Variants in SNX24 observed in about 807,000 individuals in gnomAD.
SNX24 encodes the protein sorting nexin 24, also known as sorting nexin-24.
SNX24 carries 22 observed loss-of-function variants against 28.7 expected under a neutral mutation model. The ratio of observed to expected loss-of-function variants is 0.77; its 90% CI spans 0.55 to 1.10. SNX24 has a LOEUF of 1.10. SNX24 is among the 50% of genes least tolerant of loss of function. The pLI is 0.00. For synonymous variants in SNX24, 69 were observed against 71.5 expected (o/e 0.96, Z 0.18); for missense variants, 221 against 201.1 (o/e 1.10, Z -0.60).
At chr5:122,874,542 A>G (rs1472731658) in intron 1 of SNX24, among the ~76,000 whole-genome samples, 2 of 152,220 alleles carry the variant, frequency 1.3e-5, no homozygotes, top group African/African-American at 2.4e-5. Context: ...AAGTAGGAAC[A>G]TTGATGTGTA....
chr5:122,953,674 A>G (rs13179226), intron 3 of SNX24, among the ~76,000 whole-genome samples: 1,730 of 152,342 alleles, frequency 0.011, 31 homozygotes, highest in Non-Finnish European at 0.018. Context: ...AAGGTTTTTC[A>G]TGGAGTTGTG....
intron 1 of SNX24, among the ~76,000 whole-genome samples, chr5:122,893,558 A>C (rs1757073500): frequency 6.6e-6 from 1 of 152,178 alleles, no homozygotes; most frequent in African/African-American, 2.4e-5. Flanking sequence ...GTAAAGTGTG[A>C]GCATATACAC....
chr5:122,992,176 T>C (rs944657053), intron 3 of SNX24, among the ~76,000 whole-genome samples: 12 of 152,188 alleles, frequency 7.9e-5, no homozygotes, highest in Admixed American at 5.9e-4. Flanking sequence ...GTCATTAAAA[T>C]TAGCTCAATG....
chr5:122,849,516 G>C (rs1027846346), intron 1 of SNX24, among the ~76,000 whole-genome samples: 1 of 151,574 alleles, frequency 6.6e-6, no homozygotes, highest in African/African-American at 2.4e-5. Flanking sequence ...TTAGGTTTTT[G>C]CTAGGATTGT....
chr5:122,928,707 A>G (rs1265103874), intron 1 of SNX24, among the ~76,000 whole-genome samples: 1 of 151,858 alleles, frequency 6.6e-6, no homozygotes, highest in Admixed American at 6.6e-5. Flanking sequence ...CCCTGCCAGT[A>G]CCTTGATTTT....
chr5:122,975,205 T>C (rs779575173), intron 3 of SNX24, among the ~76,000 whole-genome samples: 1 of 152,216 alleles, frequency 6.6e-6, no homozygotes, highest in Non-Finnish European at 1.5e-5. Context: ...CACACCAGAT[T>C]ATCAGTCCTG....
chr5:123,021,912 C>T (rs1047342424), intron 5 of SNX24, among the ~76,000 whole-genome samples: 1 of 152,032 alleles, frequency 6.6e-6, no homozygotes, highest in South Asian at 2.1e-4. Flanking sequence ...CTTCTTGCTG[C>T]TTCCTACCCT....
intron 3 of SNX24, among the ~76,000 whole-genome samples, chr5:122,976,720 C>T (rs1471581688): frequency 8.5e-5 from 13 of 152,248 alleles, no homozygotes; most frequent in Non-Finnish European, 2.9e-5. Context: ...GCAAAGATTA[C>T]ACTGCTGAGG....
At chr5:122,916,994 C>T (rs965869354) in intron 1 of SNX24, among the ~76,000 whole-genome samples, 10 of 152,096 alleles carry the variant, frequency 6.6e-5, no homozygotes, top group Non-Finnish European at 1.5e-4. Context: ...CTGGGCTGGG[C>T]GCGGTGGCTC....
At chr5:122,853,115 C>CTTTTT (rs10530519) in intron 1 of SNX24, among the ~76,000 whole-genome samples, 6 of 71,588 alleles carry the variant, frequency 8.4e-5, no homozygotes, top group Admixed American at 2.1e-4. Flanking sequence ...GTTCTTTAGC[C>CTTTTT]TTTTTTTTTT....
chr5:122,951,022 C>G (rs1397743542), intron 3 of SNX24, among the ~76,000 whole-genome samples: 1 of 152,046 alleles, frequency 6.6e-6, no homozygotes. Context: ...AATCCCAGCA[C>G]TTTGGGAGGC....
At chr5:122,928,731 T>G (rs1297986438) in intron 1 of SNX24, among the ~76,000 whole-genome samples, 1 of 151,832 alleles carries the variant, frequency 6.6e-6, no homozygotes, top group Non-Finnish European at 1.5e-5. Flanking sequence ...CCATGAGACT[T>G]GAACAGATAA....
chr5:122,981,922 G>T (rs995264860), intron 3 of SNX24, among the ~76,000 whole-genome samples: 1 of 152,220 alleles, frequency 6.6e-6, no homozygotes, highest in African/African-American at 2.4e-5. Context: ...GACCACCTTG[G>T]AAGGTTATGG....
chr5:122,859,599 C>G (rs919738589), intron 1 of SNX24, among the ~76,000 whole-genome samples: 2 of 152,092 alleles, frequency 1.3e-5, no homozygotes, highest in South Asian at 2.1e-4. Context: ...AAGACACTAT[C>G]TCAAATAATA....
Position 122,952,433 on chromosome 5 carries a change from C to T in SNX24, c.249+6274C>T, listed in dbSNP as rs982717020. Among the ~76,000 whole-genome samples the T allele has an allele frequency of 6.6e-5, 10 of 152,234 alleles. 2 individuals carry two copies. Among genetic ancestry groups the T allele is most frequent in the Non-Finnish European group, 1.5e-5 (1 of 68,008 alleles). ...ATAGTAGGGCCCCCAAGTTAACAAC[C>T]CCCTTCGCACTCACCCCAGGGAAAA... On this transcript the variant is annotated intron_variant, in intron 3 of 6. Transcript: ENST00000261369.
rs185930427 is a variant in SNX24, at chr5:122,964,860, A to G, written c.249+18701A>G. On this transcript the variant is annotated intron_variant, in intron 3 of 6. Coordinates refer to ENST00000261369, the MANE Select transcript of SNX24 (RefSeq NM_014035.4). Reference sequence around the variant, plus strand: ...TTTGGTAATAGGATTCTTTTGTAAAACAATTCTAACAAAGGCTCCATAATA... The same window carrying G: ...TTTGGTAATAGGATTCTTTTGTAAAGCAATTCTAACAAAGGCTCCATAATA... Among the ~76,000 whole-genome samples, 5 of 152,286 alleles carry G rather than the reference A, an allele frequency of 3.3e-5. No homozygotes were observed. The East Asian group carries it at 9.6e-4, about 29-fold the overall frequency.
intron 1 of SNX24, 91 bp downstream of exon 1, chr5:122,845,784 G>GC (rs1754594300): frequency 1.4e-6 from 1 of 703,412 alleles, no homozygotes; most frequent in Non-Finnish European, 2.0e-6. Context: ...CCGCCTTGGC[G>GC]CAGGGGGTCC....
intron 3 of SNX24, among the ~76,000 whole-genome samples, chr5:122,995,338 TTC>T (rs1762015876): frequency 2.0e-5 from 3 of 152,204 alleles, no homozygotes; most frequent in Admixed American, 2.0e-4. Context: ...CCCCTTGACT[TTC>T]CACTGCCTGG....
intron 3 of SNX24, chr5:122,998,154 T>G (rs983335573): frequency 4.7e-5 from 7 of 148,530 alleles, no homozygotes; most frequent in South Asian, 2.2e-4. Flanking sequence ...ATAAAGGAGG[T>G]TTTTTTTTTC....
Sources: gnomAD v4.1 joint callset for allele counts (sites outside exome capture counted in the v4.1 genomes callset) on GRCh38, gnomAD v4.1.1 for gene constraint, MANE v1.5 for transcripts, NCBI Gene and HGNC (gene_info 2026-07-23, HGNC 2026-07-21) for gene names.